AVEN: variants seen among roughly 807,000 people sequenced by gnomAD.
The protein encoded by AVEN is apoptosis and caspase activation inhibitor, also known as cell death regulator Aven.
A neutral mutation model predicts 38.1 loss-of-function variants in AVEN; 41 were observed. That is an observed-to-expected ratio of 1.08 (90% CI 0.84 to 1.40). The LOEUF is 1.40. AVEN is among the 40% of genes most tolerant of loss of function. AVEN has a pLI of 0.00. For synonymous variants in AVEN, 206 were observed against 171.8 expected (o/e 1.20, Z -1.56); for missense variants, 605 against 438.8 (o/e 1.38, Z -3.38).
intron 2 of AVEN, among the ~76,000 whole-genome samples, chr15:33,955,365 G>GAATGTA (rs1182390349): frequency 1.3e-5 from 2 of 152,128 alleles, no homozygotes; most frequent in African/African-American, 2.4e-5. Flanking sequence ...TCTTCTTTAG[G>GAATGTA]AATGTAAGCA....
At chr15:33,856,694 C>G (rs1378543437), downstream of AVEN, 1 of 156,122 alleles carries the variant, frequency 6.4e-6, no homozygotes, top group Non-Finnish European at 1.4e-5. Context: ...GAGTCTCACT[C>G]TGCCACAAGG....
chr15:33,939,707 A>T (rs658141), intron 2 of AVEN, among the ~76,000 whole-genome samples: 1 of 152,028 alleles, frequency 6.6e-6, no homozygotes, highest in Non-Finnish European at 1.5e-5. Flanking sequence ...CTAAAATTCT[A>T]TAAGCCTTCT....
At chr15:33,853,748 G>GA in the AVEN span, 3 of 1,555,586 alleles carry the variant, frequency 1.9e-6, no homozygotes, top group South Asian at 1.2e-5. Flanking sequence ...TTTTCCATAG[G>GA]AAAAAATCAC....
chr15:33,903,221 T>G (rs892308939), intron 2 of AVEN, among the ~76,000 whole-genome samples: 2 of 152,210 alleles, frequency 1.3e-5, no homozygotes, highest in African/African-American at 4.8e-5. Flanking sequence ...CTTAGTATTA[T>G]GTGGTGGCAA....
chr15:33,926,441 T>A lies in AVEN; in HGVS notation c.446-50446A>T, dbSNP rs147424475. On this transcript the variant is annotated intron_variant, in intron 2 of 5. Coordinates refer to ENST00000306730, the MANE Select transcript of AVEN (RefSeq NM_020371.3). ...GGCGGTCAGGAAGTGAACCGTGGAG[T>A]CTGAGCTTTGACCCCAGTGCTACTA... 4.2e-4 allele frequency among the ~76,000 whole-genome samples: 64 copies of A among 152,062 alleles called. 2 individuals carry two copies. In the East Asian group the frequency reaches 0.011, roughly 27 times the overall value.
chr15:33,877,054 A>G (rs1279652292), intron 2 of AVEN, among the ~76,000 whole-genome samples: 1 of 152,238 alleles, frequency 6.6e-6, no homozygotes, highest in African/African-American at 2.4e-5. Flanking sequence ...TCTCAGAGAA[A>G]AAGTTAAAGT....
At chr15:33,936,933 C>G (rs910051691) in intron 2 of AVEN, among the ~76,000 whole-genome samples, 3 of 151,606 alleles carry the variant, frequency 2.0e-5, no homozygotes, top group Non-Finnish European at 4.4e-5. Flanking sequence ...AGATCGAGAC[C>G]ATCCTGGCTA....
chr15:33,876,263 T>C (rs1368741867), intron 2 of AVEN, among the ~76,000 whole-genome samples: 1 of 152,140 alleles, frequency 6.6e-6, no homozygotes, highest in Non-Finnish European at 1.5e-5. Flanking sequence ...GGTAAATAAA[T>C]TTGATCCCTC....
chr15:33,994,825 G>C (rs1035965413), intron 2 of AVEN, among the ~76,000 whole-genome samples: 7 of 152,120 alleles, frequency 4.6e-5, no homozygotes, highest in Non-Finnish European at 1.0e-4. Flanking sequence ...TGTACTCTTA[G>C]ATAAAGGTCT....
At chr15:33,860,930 A>C (rs1050864143) in intron 11 of AVEN, 3 of 563,844 alleles carry the variant, frequency 5.3e-6, no homozygotes, top group Non-Finnish European at 8.7e-6. Flanking sequence ...CTAATAGCCA[A>C]TGTATGGCAC....
chr15:33,858,001 G>A, downstream of AVEN: 10 of 1,553,004 alleles, frequency 6.4e-6, no homozygotes, highest in Non-Finnish European at 8.7e-6. Context: ...GCTGTGTGGG[G>A]GTGCTCTTGA....
chr15:34,073,207 A>ATT (rs761265891), intron 1 of AVEN, among the ~76,000 whole-genome samples: 6,438 of 111,762 alleles, frequency 0.058, 225 homozygotes, highest in African/African-American at 0.074. Flanking sequence ...CGCCCGGCTA[A>ATT]TTTTTTTTTT....
downstream of AVEN, chr15:33,864,091 C>T: frequency 7.0e-7 from 1 of 1,435,626 alleles, no homozygotes; most frequent in South Asian, 1.2e-5. Flanking sequence ...TGCGAATGAA[C>T]TTGGGTCTTG....
chr15:34,015,335 T>C (rs1446167098), intron 1 of AVEN, among the ~76,000 whole-genome samples: 1 of 151,740 alleles, frequency 6.6e-6, no homozygotes, highest in Non-Finnish European at 1.5e-5. Flanking sequence ...TACAAAAAAT[T>C]AGCCAGGTGC....
At chr15:34,021,966 T>C (rs1163493633) in intron 1 of AVEN, among the ~76,000 whole-genome samples, 2 of 152,166 alleles carry the variant, frequency 1.3e-5, no homozygotes, top group African/African-American at 4.8e-5. Context: ...TTAAAGTCCA[T>C]AGAAAGCAAA....
rs186127194 is a variant in AVEN at position 33,928,919 on chromosome 15, A to G, written c.446-52924T>C. 5.3e-5 allele frequency among the ~76,000 whole-genome samples: 8 copies of G among 152,296 alleles called. No homozygotes were observed. The East Asian group carries it at 1.2e-3, about 22-fold the overall frequency. ...CCCCTTCCCTGATATGGTATTAAATAATACTGTGGAATACTACCTAAGATG... is the reference window on the plus strand; with the variant it reads ...CCCCTTCCCTGATATGGTATTAAATGATACTGTGGAATACTACCTAAGATG... On this transcript the variant is annotated intron_variant, in intron 2 of 5. Coordinates refer to ENST00000306730, the MANE Select transcript of AVEN (RefSeq NM_020371.3).
In AVEN at chr15:34,073,989, C is replaced by CTTTTTTTT. The variant is rs5811818; in HGVS notation, n.720+439_720+446dup. On this transcript the variant is annotated intron_variant and non_coding_transcript_variant, in intron 1 of 11. Transcript: ENST00000675287. ...AGGAACTTTCTTTTTTCTTCTTCTTCTTTTTTTTTTTTTTTTTTTTTTTTT... is the reference window on the plus strand; with the variant it reads ...AGGAACTTTCTTTTTTCTTCTTCTTCTTTTTTTTTTTTTTTTTTTTTTTTTTTTTTTTT... 1.3e-3 allele frequency among the ~76,000 whole-genome samples: 42 copies of CTTTTTTTT among 31,504 alleles called. 1 individual carries two copies. The highest frequency in any genetic ancestry group is 1.6e-3 in the African/African-American group (24 of 15,228). The allele number at this position is 31,504 out of a possible 152,430, so 20.7% of individuals were successfully genotyped here.
chr15:33,853,447 C>A, the AVEN span: 3 of 1,365,464 alleles, frequency 2.2e-6, no homozygotes, highest in Non-Finnish European at 2.0e-6. Flanking sequence ...TCTTCATCTA[C>A]CCCTTGGAAG....
chr15:33,907,971 T>C (rs1183793564), intron 2 of AVEN, among the ~76,000 whole-genome samples: 1 of 152,050 alleles, frequency 6.6e-6, no homozygotes, highest in East Asian at 1.9e-4. Context: ...GTCCAAAAAT[T>C]TAGGAAAGTC....
Sources: gnomAD v4.1 joint callset for allele counts (sites outside exome capture counted in the v4.1 genomes callset) on GRCh38, gnomAD v4.1.1 for gene constraint, MANE v1.5 for transcripts, NCBI Gene and HGNC (gene_info 2026-07-23, HGNC 2026-07-21) for gene names.